LRRIQ1: variants seen among roughly 807,000 people sequenced by gnomAD.
The protein encoded by LRRIQ1 is leucine rich repeats and IQ motif containing 1, also known as leucine-rich repeat- and IQ domain-containing protein 1.
In LRRIQ1, 210 loss-of-function variants were observed where a neutral mutation model predicts 211.9. The ratio of observed to expected loss-of-function variants is 0.99; its 90% CI spans 0.89 to 1.11. LRRIQ1 has a LOEUF of 1.11. Ranked by LOEUF, LRRIQ1 falls within the 50% of genes most tolerant of loss-of-function variation. The pLI is 0.00. For synonymous variants in LRRIQ1, 699 were observed against 650.1 expected (o/e 1.08, Z -1.14); for missense variants, 2,136 against 1,939.5 (o/e 1.10, Z -1.90).
the LRRIQ1 span, among the ~76,000 whole-genome samples, chr12:85,271,445 T>G: frequency 6.6e-6 from 1 of 152,202 alleles, no homozygotes; most frequent in African/African-American, 2.4e-5. Flanking sequence ...TAAAATTCAC[T>G]AAGTCTTTCT....
intron 18 of LRRIQ1, among the ~76,000 whole-genome samples, chr12:85,129,338 C>T (rs574447490): frequency 6.6e-6 from 1 of 152,174 alleles, no homozygotes; most frequent in South Asian, 2.1e-4. Flanking sequence ...AAAATAAGAT[C>T]TGTAGAAATT....
intron 9 of LRRIQ1, among the ~76,000 whole-genome samples, chr12:85,066,471 C>T (rs1048554746): frequency 1.4e-4 from 21 of 151,748 alleles, no homozygotes; most frequent in Admixed American, 2.6e-4. Flanking sequence ...AATATATTAA[C>T]TTTTTAAAAT....
In LRRIQ1 at chr12:85,098,953, C is replaced by T. The variant is rs756088180; in HGVS notation, c.3168C>T (p.Tyr1056=). 4 of 1,573,526 alleles carry T rather than the reference C, an allele frequency of 2.5e-6. No homozygotes were observed. The Admixed American group carries it at 7.2e-5, about 28-fold the overall frequency. ...SISTVEAFSS[Y]WLPLLQNITI... ...CAACTGTGGAAGCATTTTCTTCATA[C>T]TGGCTGCCTTTACTACAAAATATTA... The change falls in exon 13 of 27, where the codon TAC becomes TAT. Residue 1056 remains tyrosine (Y), a synonymous_variant. Coordinates refer to ENST00000393217, the MANE Select transcript of LRRIQ1 (RefSeq NM_001079910.2).
At chr12:85,193,740 G>A (rs1187498601) in intron 24 of LRRIQ1, among the ~76,000 whole-genome samples, 6 of 151,310 alleles carry the variant, frequency 4.0e-5, no homozygotes, top group Non-Finnish European at 5.9e-5. Flanking sequence ...AAAGACCATC[G>A]AGACTAGGAA....
chr12:85,116,442 C>T (rs1887588013), intron 15 of LRRIQ1, among the ~76,000 whole-genome samples: 1 of 152,166 alleles, frequency 6.6e-6, no homozygotes, highest in Non-Finnish European at 1.5e-5. Flanking sequence ...CCGGGCACGG[C>T]CGGGTTCTTA....
rs141990222 is a variant in LRRIQ1 at position 85,055,740 on chromosome 12, G to C, written c.947G>C (p.Arg316Thr). The change falls in exon 8 of 27, where the codon AGG becomes ACG. Residue 316 changes from arginine (R) to threonine (T), a missense_variant. Coordinates refer to ENST00000393217, the MANE Select transcript of LRRIQ1 (RefSeq NM_001079910.2). ...AAAGAGCAAATTGAAAGTAAGAAAA[G>C]GAAAGCACAAGAGTGGAAGGAAAAG... Reference protein sequence around the residue: ...IIKEQIESKKRKAQEWKEKEA... With the variant: ...IIKEQIESKKTKAQEWKEKEA... 2.5e-6 allele frequency: 4 copies of C among 1,605,716 alleles called. No homozygotes were observed. The highest frequency in any genetic ancestry group is 1.3e-5 in the African/African-American group (1 of 74,170).
chr12:85,227,433 G>A (rs938631810), intron 24 of LRRIQ1, among the ~76,000 whole-genome samples: 3 of 152,108 alleles, frequency 2.0e-5, no homozygotes, highest in Non-Finnish European at 4.4e-5. Context: ...ATGATGATGA[G>A]CATTTTTTCA....
chr12:85,263,158 A>T (rs1050276771), exon 2 of LRRIQ1: 4 of 699,550 alleles, frequency 5.7e-6, no homozygotes, highest in Non-Finnish European at 7.1e-6. Flanking sequence ...TTAGACTCCT[A>T]TATTTAATTT....
At position 85,057,111 on chromosome 12, in the gene LRRIQ1, G is replaced by A. The variant is rs1366811001; in HGVS notation, c.2318G>A (p.Cys773Tyr). The A allele has an allele frequency of 6.2e-7, 1 of 1,602,200 alleles. No individual in the cohort carries two copies. The highest frequency in any genetic ancestry group is 1.4e-5 in the African/African-American group (1 of 73,904). The change falls in exon 8 of 27, where the codon TGC becomes TAC. Residue 773 changes from cysteine to tyrosine, a missense_variant. Transcript: ENST00000393217. ...GTTAGAAGAAAGAGACCTGTGAAAT[G>A]CCCAGCCAACATGACACCCGCTTTG... ...KIVRRKRPVK[C>Y]PANMTPALDK... is the part of the protein sequence containing the mutation.
intron 15 of LRRIQ1, among the ~76,000 whole-genome samples, chr12:85,116,027 T>TA (rs1281400926): frequency 6.6e-6 from 1 of 152,198 alleles, no homozygotes; most frequent in Admixed American, 6.5e-5. Flanking sequence ...GACACGGTCA[T>TA]ACTCTTTATG....
chr12:85,160,080 T>G (rs2136721899), intron 23 of LRRIQ1, among the ~76,000 whole-genome samples: 1 of 152,188 alleles, frequency 6.6e-6, no homozygotes, highest in East Asian at 1.9e-4. Context: ...CTTTAGCATT[T>G]AATTAAAATA....
intron 1 of LRRIQ1, among the ~76,000 whole-genome samples, chr12:85,257,481 T>C (rs1896153338): frequency 6.6e-6 from 1 of 151,222 alleles, no homozygotes. Flanking sequence ...CTGTGTGCAG[T>C]AGAAAATGTG....
chr12:85,237,168 A>G (rs1205312808), intron 26 of LRRIQ1, among the ~76,000 whole-genome samples: 1 of 152,040 alleles, frequency 6.6e-6, no homozygotes, highest in Non-Finnish European at 1.5e-5. Context: ...CCTTCTGAAG[A>G]AAAACGTTTT....
intron 11 of LRRIQ1, among the ~76,000 whole-genome samples, chr12:85,086,148 A>G (rs1884796548): frequency 6.6e-6 from 1 of 152,202 alleles, no homozygotes; most frequent in Admixed American, 6.5e-5. Context: ...GAGATGGTAT[A>G]TCATTGTGAT....
intron 11 of LRRIQ1, among the ~76,000 whole-genome samples, chr12:85,095,982 G>T (rs1252624320): frequency 6.6e-6 from 1 of 152,020 alleles, no homozygotes; most frequent in East Asian, 1.9e-4. Flanking sequence ...AGGATATTTT[G>T]TATTTCTGTG....
intron 25 of LRRIQ1, among the ~76,000 whole-genome samples, chr12:85,231,075 A>G (rs1894916497): frequency 6.6e-6 from 1 of 152,106 alleles, no homozygotes; most frequent in South Asian, 2.1e-4. Context: ...GCCAATATTG[A>G]ATATAAAGAC....
At chr12:85,048,925 A>G (rs1315979381) in intron 6 of LRRIQ1, among the ~76,000 whole-genome samples, 1 of 152,176 alleles carries the variant, frequency 6.6e-6, no homozygotes, top group African/African-American at 2.4e-5. Context: ...TTTGCTGACT[A>G]CCTTAAGGGC....
intron 11 of LRRIQ1, among the ~76,000 whole-genome samples, chr12:85,086,378 G>C (rs1287989404): frequency 6.6e-6 from 1 of 151,966 alleles, no homozygotes; most frequent in Admixed American, 6.6e-5. Flanking sequence ...CTGAGTTGTC[G>C]TGAGGTCTGG....
At chr12:85,067,562 T>C (rs1224573911) in intron 10 of LRRIQ1, among the ~76,000 whole-genome samples, 1 of 151,866 alleles carries the variant, frequency 6.6e-6, no homozygotes, top group Non-Finnish European at 1.5e-5. Flanking sequence ...TTTATTTATA[T>C]TTTTGATATG....
Sources: gnomAD v4.1 joint callset for allele counts (sites outside exome capture counted in the v4.1 genomes callset) on GRCh38, gnomAD v4.1.1 for gene constraint, MANE v1.5 for transcripts, NCBI Gene and HGNC (gene_info 2026-07-23, HGNC 2026-07-21) for gene names.